LRGUK: variants seen among roughly 807,000 people sequenced by gnomAD.
The protein encoded by LRGUK is leucine rich repeats and guanylate kinase domain containing.
A neutral mutation model predicts 76.0 loss-of-function variants in LRGUK; 65 were observed. The ratio of observed to expected loss-of-function variants is 0.85; its 90% CI spans 0.70 to 1.05. The LOEUF (loss-of-function observed/expected upper bound fraction) is 1.05, where lower values mean the gene tolerates loss of function less well. Among genes scored for constraint, LRGUK ranks in the 50% least tolerant of loss-of-function variants. The pLI, the probability that LRGUK is intolerant of heterozygous loss-of-function variation, is 0.00. For missense variants in LRGUK, 758 were observed against 732.8 expected (o/e 1.03, Z -0.40); for synonymous variants, 268 against 265.6 (o/e 1.01, Z -0.09).
chr7:134,267,117 T>C (rs1231364279), downstream of LRGUK, among the ~76,000 whole-genome samples: 1 of 151,796 alleles, frequency 6.6e-6, no homozygotes, highest in Admixed American at 6.6e-5. Flanking sequence ...AAACCTATCC[T>C]AAAAGAAGAG....
intron 16 of LRGUK, among the ~76,000 whole-genome samples, chr7:134,224,208 AC>A (rs540472812): frequency 2.8e-4 from 43 of 152,294 alleles, no homozygotes; most frequent in African/African-American, 1.0e-3. Context: ...AAACCTTCAG[AC>A]CACTAAATCC....
chr7:134,188,463 T>G (rs1365546514), intron 11 of LRGUK, among the ~76,000 whole-genome samples: 2 of 152,020 alleles, frequency 1.3e-5, no homozygotes, highest in African/African-American at 4.8e-5. Flanking sequence ...GGGAAAGGGC[T>G]TAGGGAAGGA....
chr7:134,156,295 G>A (rs1414349385), intron 5 of LRGUK, among the ~76,000 whole-genome samples: 1 of 151,400 alleles, frequency 6.6e-6, no homozygotes, highest in African/African-American at 2.4e-5. Flanking sequence ...TTTTTCTATT[G>A]ATTTATTGTC....
At chr7:134,236,280 A>G (rs1331747329) in intron 16 of LRGUK, among the ~76,000 whole-genome samples, 1 of 152,176 alleles carries the variant, frequency 6.6e-6, no homozygotes, top group East Asian at 1.9e-4. Context: ...CTGACTCTGT[A>G]GTAACCAATT....
chr7:134,233,831 C>G (rs1558996), intron 16 of LRGUK, among the ~76,000 whole-genome samples: 1 of 152,136 alleles, frequency 6.6e-6, no homozygotes. Context: ...CTCTGCTCTT[C>G]GTGTCTAATT....
At chr7:134,128,004 G>A (rs1334943352) in intron 1 of LRGUK, among the ~76,000 whole-genome samples, 1 of 151,396 alleles carries the variant, frequency 6.6e-6, no homozygotes, top group African/African-American at 2.4e-5. Flanking sequence ...TGACAGTATT[G>A]TGAATAGGCA....
At chr7:134,220,785 G>A (rs1368745475) in intron 15 of LRGUK, among the ~76,000 whole-genome samples, 1 of 151,994 alleles carries the variant, frequency 6.6e-6, no homozygotes, top group Non-Finnish European at 1.5e-5. Context: ...GGCCAGGCTG[G>A]TCTCAAACTC....
At chr7:134,214,540 AT>A (rs1226089721), downstream of LRGUK, among the ~76,000 whole-genome samples, 3 of 152,162 alleles carry the variant, frequency 2.0e-5, no homozygotes, top group Non-Finnish European at 2.9e-5. Context: ...ATATGCTGGA[AT>A]ATTATGTTGT....
At chr7:134,152,872 A>G (rs1009772958) in intron 5 of LRGUK, among the ~76,000 whole-genome samples, 3 of 152,090 alleles carry the variant, frequency 2.0e-5, no homozygotes, top group African/African-American at 4.8e-5. Flanking sequence ...TAGTCACACA[A>G]TAGCATATCA....
Position 134,248,934 on chromosome 7 carries a change from T to TA in LRGUK, c.2073-14dup. ...AAATCCTTTGGTTTTTTTTTTTTTT[T>TA]AAATTTCCCATTCCAGGGGTCCAGT... On this transcript the variant is annotated splice_polypyrimidine_tract_variant and intron_variant, in intron 17 of 19. Transcript: ENST00000285928. The TA allele has an allele frequency of 3.5e-6, 5 of 1,428,504 alleles. No individual in the cohort carries two copies. Among genetic ancestry groups the TA allele is most frequent in the South Asian group, 3.2e-5 (2 of 61,872 alleles). The allele number at this position is 1,428,504 out of a possible 1,614,324, so 88.5% of individuals were successfully genotyped here. A position where few individuals can be genotyped will look rare whatever the true frequency, so the allele number is the denominator to read the frequency against.
intron 4 of LRGUK, among the ~76,000 whole-genome samples, chr7:134,146,608 C>A (rs1044837274): frequency 6.6e-6 from 1 of 152,138 alleles, no homozygotes; most frequent in Non-Finnish European, 1.5e-5. Flanking sequence ...TCTATTTCTT[C>A]ATATAGTTTG....
chr7:134,230,298 C>A (rs183506577), intron 16 of LRGUK, among the ~76,000 whole-genome samples: 24 of 152,150 alleles, frequency 1.6e-4, no homozygotes, highest in African/African-American at 5.5e-4. Context: ...AAAATATAAT[C>A]GCAATGAGAT....
At chr7:134,229,931 T>C (rs1801852409) in intron 16 of LRGUK, among the ~76,000 whole-genome samples, 1 of 152,078 alleles carries the variant, frequency 6.6e-6, no homozygotes, top group Admixed American at 6.5e-5. Flanking sequence ...AAAATAATAA[T>C]AGTTCAAAAA....
At chr7:134,127,401 A>C (rs749564724) in exon 1 of LRGUK, 9 of 1,613,062 alleles carry the variant, frequency 5.6e-6, no homozygotes, top group African/African-American at 1.3e-5. Context: ...CCTGAGGACC[A>C]GAGCTGCCTC....
Position 134,163,556 on chromosome 7 carries a change from A to G in LRGUK, c.939+16A>G, listed in dbSNP as rs199510326. ...GGATAATAAGGTAGTGTTGCACTTCACATGTCTTGGTTTCAGTGTTGACAT... is the reference window on the plus strand; with the variant it reads ...GGATAATAAGGTAGTGTTGCACTTCGCATGTCTTGGTTTCAGTGTTGACAT... On this transcript the variant is annotated intron_variant, in intron 7 of 15. Transcript: ENST00000645682. 3.4e-5 allele frequency: 54 copies of G among 1,596,488 alleles called. No individual in the cohort carries two copies. The highest frequency in any genetic ancestry group is 1.9e-4 in the Admixed American group (11 of 59,058).
chr7:134,254,368 G>A (rs1027494859), intron 18 of LRGUK, among the ~76,000 whole-genome samples: 1 of 152,108 alleles, frequency 6.6e-6, no homozygotes, highest in African/African-American at 2.4e-5. Context: ...CATTCAGGCT[G>A]CTATAATAAA....
chr7:134,141,100 G>A (rs546552172), intron 3 of LRGUK, among the ~76,000 whole-genome samples: 112 of 152,304 alleles, frequency 7.4e-4, no homozygotes, highest in African/African-American at 2.6e-3. Flanking sequence ...GGAGCCCACA[G>A]TTACGCTCCA....
At chr7:134,134,580 A>C (rs947631201) in intron 1 of LRGUK, among the ~76,000 whole-genome samples, 7 of 152,154 alleles carry the variant, frequency 4.6e-5, no homozygotes, top group African/African-American at 1.7e-4. Context: ...TCTCCATGTC[A>C]ATGGCTAAGT....
chr7:134,158,238 G>A, intron 6 of LRGUK, 79 bp downstream of exon 6: 1 of 1,270,526 alleles, frequency 7.9e-7, no homozygotes. Flanking sequence ...GACTACTTAG[G>A]ATTCAAATAT....
Sources: gnomAD v4.1 joint callset for allele counts (sites outside exome capture counted in the v4.1 genomes callset) on GRCh38, gnomAD v4.1.1 for gene constraint, MANE v1.5 for transcripts, NCBI Gene and HGNC (gene_info 2026-07-23, HGNC 2026-07-21) for gene names.